RBFOX1: variants seen among roughly 807,000 people sequenced by gnomAD.
RBFOX1 encodes RNA binding fox-1 homolog 1.
In RBFOX1, 8 loss-of-function variants were observed where a neutral mutation model predicts 57.7. The observed-to-expected ratio is 0.14, with a 90% CI of 0.08 to 0.25. The LOEUF is 0.25. Ranked by LOEUF, RBFOX1 falls within the 10% of genes least tolerant of loss-of-function variation. The pLI is 1.00. For synonymous variants in RBFOX1, 326 were observed against 222.4 expected (o/e 1.47, Z -4.15); for missense variants, 611 against 548.5 (o/e 1.11, Z -1.14).
intron 2 of RBFOX1, among the ~76,000 whole-genome samples, chr16:6,599,182 T>C (rs1368560077): frequency 6.6e-6 from 1 of 152,192 alleles, no homozygotes; most frequent in African/African-American, 2.4e-5. Flanking sequence ...CACATGTTTC[T>C]ACTGTTCTCA....
At chr16:7,647,781 T>G (rs1201870389) in intron 11 of RBFOX1, among the ~76,000 whole-genome samples, 1 of 152,220 alleles carries the variant, frequency 6.6e-6, no homozygotes, top group African/African-American at 2.4e-5. Flanking sequence ...TAGTCATTCA[T>G]TGCCCACTTA....
chr16:7,561,896 C>G (rs903758031), intron 5 of RBFOX1, among the ~76,000 whole-genome samples: 1 of 152,034 alleles, frequency 6.6e-6, no homozygotes, highest in African/African-American at 2.4e-5. Flanking sequence ...AATCTTTGAG[C>G]TAAGTGGAAT....
chr16:5,484,211 G>T (rs1252457185), intron 2 of RBFOX1, among the ~76,000 whole-genome samples: 3 of 152,180 alleles, frequency 2.0e-5, no homozygotes, highest in Admixed American at 1.3e-4. Context: ...CAGAACTTCA[G>T]TTAACTCAAG....
chr16:5,420,605 G>C (rs990897575), intron 1 of RBFOX1, among the ~76,000 whole-genome samples: 12 of 151,632 alleles, frequency 7.9e-5, no homozygotes, highest in African/African-American at 2.7e-4. Context: ...ACCTCCCCAG[G>C]CTCCAGCGAT....
At chr16:6,171,162 A>T (rs1192658152) in intron 1 of RBFOX1, among the ~76,000 whole-genome samples, 1 of 152,118 alleles carries the variant, frequency 6.6e-6, no homozygotes, top group Non-Finnish European at 1.5e-5. Flanking sequence ...GCTTGTCAGG[A>T]TCTCTTCTTC....
At chr16:5,354,738 C>T (rs544343462) in intron 1 of RBFOX1, among the ~76,000 whole-genome samples, 16 of 152,282 alleles carry the variant, frequency 1.1e-4, no homozygotes, top group African/African-American at 2.4e-4. Context: ...CAAACGTTCA[C>T]GCAGCATTAT....
chr16:7,118,348 A>ATT (rs113751578), intron 4 of RBFOX1, among the ~76,000 whole-genome samples: 5 of 151,972 alleles, frequency 3.3e-5, no homozygotes, highest in African/African-American at 9.7e-5. Flanking sequence ...AGTGATAAGC[A>ATT]TTTTTTTCAT....
Position 7,386,893 on chromosome 16 carries a change from T to C in RBFOX1, c.28-131254T>C, listed in dbSNP as rs564108562. On this transcript the variant is annotated intron_variant, in intron 4 of 15. Transcript: ENST00000550418. ...TCCACATCCTCTCCAGCATCTGTTG[T>C]TTTCTGACTTTTTAATGATCTCCAT... 2.6e-5 allele frequency among the ~76,000 whole-genome samples: 4 copies of C among 152,280 alleles called. No homozygotes were observed. In the East Asian group the frequency reaches 7.7e-4, roughly 29 times the overall value.
intron 2 of RBFOX1, among the ~76,000 whole-genome samples, chr16:5,552,157 C>T (rs944999783): frequency 2.0e-5 from 3 of 152,138 alleles, no homozygotes; most frequent in Non-Finnish European, 2.9e-5. Flanking sequence ...TTAACGCAAG[C>T]GAGCTCTCAG....
chr16:7,506,679 A>T (rs1353836857), intron 4 of RBFOX1, among the ~76,000 whole-genome samples: 1 of 152,184 alleles, frequency 6.6e-6, no homozygotes, highest in Non-Finnish European at 1.5e-5. Flanking sequence ...ACTCATAATA[A>T]GATTGTGTTA....
intron 5 of RBFOX1, among the ~76,000 whole-genome samples, chr16:7,579,357 T>A (rs2093576885): frequency 6.6e-6 from 1 of 152,168 alleles, no homozygotes; most frequent in South Asian, 2.1e-4. Flanking sequence ...AAATACACAC[T>A]GTCCTGCCTT....
intron 3 of RBFOX1, among the ~76,000 whole-genome samples, chr16:5,865,765 T>G (rs2057331018): frequency 6.6e-6 from 1 of 152,180 alleles, no homozygotes; most frequent in African/African-American, 2.4e-5. Flanking sequence ...AACAGGAATA[T>G]ATTTCTCATA....
At chr16:6,911,780 T>G (rs2153433610) in intron 3 of RBFOX1, among the ~76,000 whole-genome samples, 1 of 152,324 alleles carries the variant, frequency 6.6e-6, no homozygotes, top group African/African-American at 2.4e-5. Context: ...TTGTTTCCAC[T>G]TATAGAAGAG....
At chr16:7,120,703 A>C (rs938318737) in intron 4 of RBFOX1, among the ~76,000 whole-genome samples, 58 of 151,006 alleles carry the variant, frequency 3.8e-4, no homozygotes, top group African/African-American at 1.3e-3. Context: ...GGAAAAAAAA[A>C]AAAAAACTAT....
intron 1 of RBFOX1, among the ~76,000 whole-genome samples, chr16:6,151,090 G>C (rs1459170634): frequency 6.6e-6 from 1 of 152,114 alleles, no homozygotes; most frequent in Non-Finnish European, 1.5e-5. Context: ...GCAGGACTAT[G>C]ACTATGGTTT....
chr16:7,475,237 G>C (rs982563500), intron 4 of RBFOX1, among the ~76,000 whole-genome samples: 1 of 151,622 alleles, frequency 6.6e-6, no homozygotes. Flanking sequence ...GGAGTGTGTA[G>C]TTCTGTTTTC....
chr16:6,926,479 T>C (rs2075610313), intron 3 of RBFOX1, among the ~76,000 whole-genome samples: 1 of 152,048 alleles, frequency 6.6e-6, no homozygotes, highest in Non-Finnish European at 1.5e-5. Flanking sequence ...GTTCAGTGGG[T>C]TGATTAAGTT....
intron 1 of RBFOX1, among the ~76,000 whole-genome samples, chr16:6,253,645 G>T (rs1271922444): frequency 1.3e-5 from 2 of 150,162 alleles, no homozygotes; most frequent in African/African-American, 2.4e-5. Context: ...ATAGATAATA[G>T]TTAAAAGAAA....
At chr16:6,576,652 G>A (rs1271166690) in intron 2 of RBFOX1, among the ~76,000 whole-genome samples, 1 of 120,152 alleles carries the variant, frequency 8.3e-6, no homozygotes, top group East Asian at 2.3e-4. Context: ...TATTTTTGTT[G>A]GCAGGGTGAG....
Sources: gnomAD v4.1 joint callset for allele counts (sites outside exome capture counted in the v4.1 genomes callset) on GRCh38, gnomAD v4.1.1 for gene constraint, MANE v1.5 for transcripts, NCBI Gene and HGNC (gene_info 2026-07-23, HGNC 2026-07-21) for gene names.